Variants in SPOCK1 observed in about 807,000 individuals in gnomAD.
SPOCK1 encodes SPARC (osteonectin), cwcv and kazal like domains proteoglycan 1.
Under a neutral mutation model 55.3 loss-of-function variants are expected in SPOCK1, and 23 were observed. That is an observed-to-expected ratio of 0.42 (90% CI 0.30 to 0.59). The LOEUF is 0.59. Among genes scored for constraint, SPOCK1 ranks in the 20% least tolerant of loss-of-function variants. The pLI is 0.22. For missense variants in SPOCK1, 499 were observed against 552.5 expected (o/e 0.90, Z 0.97); for synonymous variants, 226 against 221.0 (o/e 1.02, Z -0.20).
intron 8 of SPOCK1, 83 bp downstream of exon 8, chr5:136,988,339 C>CA (rs1750881419): frequency 2.8e-6 from 3 of 1,072,684 alleles, no homozygotes; most frequent in Non-Finnish European, 4.2e-6. Flanking sequence ...GGCTCTCTGC[C>CA]CAATTCATAG....
intron 2 of SPOCK1, among the ~76,000 whole-genome samples, chr5:137,358,919 T>G (rs1253299292): frequency 2.0e-5 from 3 of 152,206 alleles, no homozygotes; most frequent in African/African-American, 7.2e-5. Context: ...TAGGCACTTT[T>G]GGATGGTACT....
intron 5 of SPOCK1, among the ~76,000 whole-genome samples, chr5:137,088,135 C>A (rs1365685350): frequency 2.6e-5 from 4 of 152,184 alleles, no homozygotes; most frequent in Admixed American, 2.6e-4. Flanking sequence ...GAGCTCTAGG[C>A]TCCCCTCCAG....
At chr5:137,418,783 T>C (rs942315366) in intron 2 of SPOCK1, among the ~76,000 whole-genome samples, 6 of 152,240 alleles carry the variant, frequency 3.9e-5, no homozygotes, top group Non-Finnish European at 8.8e-5. Flanking sequence ...TTAATTTTGC[T>C]GTGCAGAAGC....
chr5:137,183,874 A>T lies in SPOCK1; in HGVS notation c.233-43180T>A, dbSNP rs138428851. On this transcript the variant is annotated intron_variant, in intron 3 of 10. Coordinates refer to ENST00000394945, the MANE Select transcript of SPOCK1 (RefSeq NM_004598.4). ...TCCAGCTCCATTCTTTCCCAGGAGG[A>T]TGACTTGCTTAAAGTCACCCATCCC... Among the ~76,000 whole-genome samples the T allele has an allele frequency of 1.7e-3, 254 of 152,328 alleles. 1 individual carries two copies. Among genetic ancestry groups the T allele is most frequent in the East Asian group, 7.0e-3 (36 of 5,172 alleles).
intron 6 of SPOCK1, among the ~76,000 whole-genome samples, chr5:137,029,086 C>T (rs980247585): frequency 6.6e-6 from 1 of 152,178 alleles, no homozygotes; most frequent in Non-Finnish European, 1.5e-5. Flanking sequence ...TATAATCTGG[C>T]TCTCAGAGAG....
At chr5:137,263,502 T>G (rs1489265616) in intron 3 of SPOCK1, among the ~76,000 whole-genome samples, 1 of 152,188 alleles carries the variant, frequency 6.6e-6, no homozygotes, top group Non-Finnish European at 1.5e-5. Context: ...CAGCCAGCCC[T>G]CTGAAGGTCC....
At chr5:137,463,895 C>T (rs1753545766) in intron 2 of SPOCK1, among the ~76,000 whole-genome samples, 1 of 152,140 alleles carries the variant, frequency 6.6e-6, no homozygotes, top group Admixed American at 6.5e-5. Context: ...TTGGAGCAAG[C>T]CAAGATTACA....
intron 6 of SPOCK1, among the ~76,000 whole-genome samples, chr5:137,012,308 T>C (rs1303896325): frequency 4.6e-5 from 7 of 152,130 alleles, no homozygotes; most frequent in African/African-American, 1.7e-4. Flanking sequence ...ATTCTCACCA[T>C]TTAAAAAGAG....
intron 2 of SPOCK1, among the ~76,000 whole-genome samples, chr5:137,438,965 G>A (rs974547242): frequency 4.6e-5 from 7 of 152,216 alleles, no homozygotes; most frequent in Admixed American, 4.6e-4. Context: ...TTAAGAGGGT[G>A]CAATGCATCA....
At chr5:137,073,736 T>C (rs1270216758) in intron 5 of SPOCK1, among the ~76,000 whole-genome samples, 1 of 152,128 alleles carries the variant, frequency 6.6e-6, no homozygotes, top group Non-Finnish European at 1.5e-5. Context: ...AGTTAGAAAG[T>C]CACCATTTTG....
intron 2 of SPOCK1, among the ~76,000 whole-genome samples, chr5:137,391,362 G>A (rs1302176086): frequency 5.9e-5 from 9 of 152,058 alleles, no homozygotes; most frequent in African/African-American, 1.5e-4. Flanking sequence ...ATAAGTATAC[G>A]TGTGCTGGTG....
chr5:137,233,877 G>T (rs1451263984), intron 3 of SPOCK1, among the ~76,000 whole-genome samples: 1 of 151,952 alleles, frequency 6.6e-6, no homozygotes, highest in African/African-American at 2.4e-5. Context: ...ATTTCTTCCA[G>T]TGCCCTTTAT....
At chr5:137,313,634 C>T (rs766858036) in intron 2 of SPOCK1, 3 of 279,918 alleles carry the variant, frequency 1.1e-5, no homozygotes, top group Non-Finnish European at 1.6e-5. Flanking sequence ...AATATAGATG[C>T]TCTGGGGAAA....
chr5:137,124,587 C>T (rs1310494108), intron 4 of SPOCK1, among the ~76,000 whole-genome samples: 1 of 152,186 alleles, frequency 6.6e-6, no homozygotes, highest in Non-Finnish European at 1.5e-5. Context: ...GGCTCAGGAC[C>T]AGTGAAGAGC....
chr5:137,084,152 A>G (rs1206375774), intron 5 of SPOCK1, among the ~76,000 whole-genome samples: 5 of 152,032 alleles, frequency 3.3e-5, no homozygotes, highest in Non-Finnish European at 7.4e-5. Flanking sequence ...CACCCCATGC[A>G]GACTCAGGAA....
chr5:137,427,317 C>T (rs760686742), intron 2 of SPOCK1, among the ~76,000 whole-genome samples: 1 of 152,184 alleles, frequency 6.6e-6, no homozygotes, highest in Non-Finnish European at 1.5e-5. Context: ...CTGGTTGATA[C>T]TTTTATGCTT....
intron 6 of SPOCK1, among the ~76,000 whole-genome samples, chr5:137,044,932 T>C (rs1451022752): frequency 1.4e-5 from 2 of 144,742 alleles, no homozygotes; most frequent in Non-Finnish European, 3.0e-5. Context: ...CTGAGAATGA[T>C]GGTTTCCAAT....
chr5:137,234,453 T>C (rs1216841340), intron 3 of SPOCK1, among the ~76,000 whole-genome samples: 1 of 152,182 alleles, frequency 6.6e-6, no homozygotes, highest in East Asian at 1.9e-4. Flanking sequence ...TTCTTACCAC[T>C]TTCATCATTC....
At chr5:137,354,410 C>T (rs945535361) in intron 2 of SPOCK1, among the ~76,000 whole-genome samples, 4 of 152,094 alleles carry the variant, frequency 2.6e-5, no homozygotes, top group South Asian at 2.1e-4. Context: ...CCCAGGATGA[C>T]GTTGCACCCT....
Sources: allele counts gnomAD v4.1 joint callset (sites outside exome capture counted in the v4.1 genomes callset), GRCh38; gene constraint gnomAD v4.1.1; transcripts MANE v1.5; gene names NCBI Gene and HGNC (gene_info 2026-07-23, HGNC 2026-07-21).